ZFYVE9: variants seen among roughly 807,000 people sequenced by gnomAD.
ZFYVE9 encodes zinc finger FYVE domain-containing protein 9.
Under a neutral mutation model 126.7 loss-of-function variants are expected in ZFYVE9, and 43 were observed. The observed-to-expected ratio is 0.34, with a 90% CI of 0.27 to 0.44. ZFYVE9 has a LOEUF of 0.44. ZFYVE9 is among the 20% of genes least tolerant of loss of function. The pLI is 1.00. For synonymous variants in ZFYVE9, 521 were observed against 597.4 expected (o/e 0.87, Z 1.87); for missense variants, 1,476 against 1,697.0 (o/e 0.87, Z 2.29).
intron 1 of ZFYVE9, among the ~76,000 whole-genome samples, chr1:52,172,871 A>G (rs1280148188): frequency 4.6e-5 from 7 of 152,010 alleles, no homozygotes; most frequent in Non-Finnish European, 1.0e-4. Context: ...GACTTTGCCG[A>G]AGTTGCTTAT....
chr1:52,229,552 G>A (rs1645198909), intron 2 of ZFYVE9, among the ~76,000 whole-genome samples: 1 of 152,146 alleles, frequency 6.6e-6, no homozygotes, highest in African/African-American at 2.4e-5. Flanking sequence ...ATCGTAACTG[G>A]AATTCAGTAC....
intron 13 of ZFYVE9, among the ~76,000 whole-genome samples, chr1:52,322,588 G>A (rs907598648): frequency 1.1e-4 from 16 of 151,692 alleles, no homozygotes; most frequent in South Asian, 2.1e-4. Flanking sequence ...ATATTGGCCA[G>A]GCTGGTCTCG....
At chr1:52,267,318 G>A (rs112792191) in intron 6 of ZFYVE9, among the ~76,000 whole-genome samples, 5,024 of 152,128 alleles carry the variant, frequency 0.033, 126 homozygotes, top group Non-Finnish European at 0.05. Flanking sequence ...TTGTGTTAGG[G>A]ACATAGACTT....
At chr1:52,185,396 A>G (rs1272234305) in intron 1 of ZFYVE9, among the ~76,000 whole-genome samples, 2 of 152,194 alleles carry the variant, frequency 1.3e-5, no homozygotes, top group South Asian at 2.1e-4. Context: ...AAAATTATCA[A>G]TGGTTAGTGT....
intron 13 of ZFYVE9, among the ~76,000 whole-genome samples, chr1:52,331,865 G>A (rs1170655686): frequency 1.4e-5 from 2 of 145,036 alleles, no homozygotes; most frequent in African/African-American, 5.1e-5. Context: ...TGCAAGCTCC[G>A]CCTCCCGGGT....
intron 17 of ZFYVE9, among the ~76,000 whole-genome samples, chr1:52,342,271 T>TG (rs1227811504): frequency 6.7e-6 from 1 of 149,632 alleles, no homozygotes; most frequent in Non-Finnish European, 1.5e-5. Flanking sequence ...TTTTGCCTTT[T>TG]TTTTTTTTTT....
intron 4 of ZFYVE9, among the ~76,000 whole-genome samples, chr1:52,251,030 T>G (rs1439273360): frequency 1.1e-5 from 1 of 88,964 alleles, no homozygotes. Flanking sequence ...GTCGTTTTTG[T>G]TGTTGTTGTT....
At position 52,237,994 on chromosome 1, in the gene ZFYVE9, G is replaced by A; in HGVS notation, c.577G>A (p.Asp193Asn). The A allele has an allele frequency of 6.2e-7, 1 of 1,613,930 alleles. No homozygotes were observed. Among genetic ancestry groups the A allele is most frequent in the Non-Finnish European group, 8.5e-7 (1 of 1,179,950 alleles). ...CSLDNENRQTDQFSFSINEST... is the reference protein window; with the variant it reads ...CSLDNENRQTNQFSFSINEST... ...ACTGGATAATGAAAACAGACAAACT[G>A]ATCAATTTAGTTTTAGTATAAATGA... The change falls in exon 4 of 19, where the codon GAT (aspartate) becomes AAT (asparagine). Residue 193 changes from aspartate to asparagine, a missense_variant. By Grantham distance (23) the Asp-to-Asn change is conservative. This residue lies in a region of ZFYVE9 where 807 missense variants were observed against 794.6 expected (regional missense o/e 1.02). Transcript: ENST00000287727.
intron 1 of ZFYVE9, among the ~76,000 whole-genome samples, chr1:52,172,348 C>G (rs1313653412): frequency 2.0e-5 from 3 of 152,118 alleles, no homozygotes; most frequent in Non-Finnish European, 4.4e-5. Flanking sequence ...CTGTTCTGTT[C>G]CATTGATCTA....
At chr1:52,228,679 C>G (rs1201523707) in intron 2 of ZFYVE9, among the ~76,000 whole-genome samples, 2 of 152,174 alleles carry the variant, frequency 1.3e-5, no homozygotes, top group African/African-American at 4.8e-5. Flanking sequence ...CCTACAAAAT[C>G]AGAATGCCAT....
chr1:52,148,858 T>C (rs984381582), intron 1 of ZFYVE9, among the ~76,000 whole-genome samples: 1 of 150,006 alleles, frequency 6.7e-6, no homozygotes, highest in African/African-American at 2.4e-5. Context: ...GCCAGGCCGG[T>C]CTCAAACTGA....
At chr1:52,193,393 C>CAAAAAA (rs397863555) in intron 1 of ZFYVE9, among the ~76,000 whole-genome samples, 1 of 95,832 alleles carries the variant, frequency 1.0e-5, no homozygotes, top group Admixed American at 1.1e-4. Context: ...TTGTCAGTAT[C>CAAAAAA]AAAAAAAAAA....
At chr1:52,189,958 AC>A (rs1304399500) in intron 1 of ZFYVE9, 1 of 153,024 alleles carries the variant, frequency 6.5e-6, no homozygotes, top group African/African-American at 2.4e-5. Context: ...CTCTTCTGAA[AC>A]CTGCAGATGT....
chr1:52,259,222 T>C (rs1038795551), intron 4 of ZFYVE9, among the ~76,000 whole-genome samples: 1 of 152,018 alleles, frequency 6.6e-6, no homozygotes, highest in Non-Finnish European at 1.5e-5. Context: ...ATTTGCCTCT[T>C]TTATAAGGGT....
chr1:52,213,605 T>G (rs1008984377), intron 1 of ZFYVE9, among the ~76,000 whole-genome samples: 15 of 152,012 alleles, frequency 9.9e-5, no homozygotes, highest in Admixed American at 9.8e-4. Context: ...TGAGCCGAGA[T>G]CGTGTCACTG....
At chr1:52,157,417 T>TTTTTC (rs1644413630) in intron 1 of ZFYVE9, among the ~76,000 whole-genome samples, 1 of 140,654 alleles carries the variant, frequency 7.1e-6, no homozygotes, top group South Asian at 2.4e-4. Context: ...TTTTTTTTTT[T>TTTTTC]TGAGATGGAG....
At chr1:52,250,516 G>T (rs1166613467) in intron 4 of ZFYVE9, among the ~76,000 whole-genome samples, 2 of 152,068 alleles carry the variant, frequency 1.3e-5, no homozygotes, top group African/African-American at 4.8e-5. Flanking sequence ...TTGTGTGTTT[G>T]CGGGGAATCT....
At chr1:52,167,997 T>A (rs946463856) in intron 1 of ZFYVE9, among the ~76,000 whole-genome samples, 3 of 152,188 alleles carry the variant, frequency 2.0e-5, no homozygotes, top group Admixed American at 6.5e-5. Context: ...TAAGTTGCAT[T>A]ATAGTATTAT....
rs373096573 is a variant in ZFYVE9 at position 52,198,120 on chromosome 1, G to GTTTTTTTTTTTTTTTTT, written c.-142-18246_-142-18245insTTTTTTTTTTTTTTTTT. Among the ~76,000 whole-genome samples, 19 of 111,098 alleles carry GTTTTTTTTTTTTTTTTT rather than the reference G, an allele frequency of 1.7e-4. 1 individual carries two copies. Among genetic ancestry groups the GTTTTTTTTTTTTTTTTT allele is most frequent in the South Asian group, 2.9e-4 (1 of 3,482 alleles). The allele number at this position is 111,098 out of a possible 152,430, so 72.9% of individuals were successfully genotyped here. A position where few individuals can be genotyped will look rare whatever the true frequency, so the allele number is the denominator to read the frequency against. On this transcript the variant is annotated intron_variant, in intron 1 of 18. Coordinates refer to ENST00000287727, the MANE Select transcript of ZFYVE9 (RefSeq NM_004799.4). ...AAATAATATTGTAGTGTTTTTTTTTGTTTGTTTTTTTTTTTTTTTGAGATG... is the reference window on the plus strand; with the variant it reads ...AAATAATATTGTAGTGTTTTTTTTTGTTTTTTTTTTTTTTTTTTTTGTTTTTTTTTTTTTTTGAGATG...
Sources: allele counts gnomAD v4.1 joint callset (sites outside exome capture counted in the v4.1 genomes callset), GRCh38; gene constraint gnomAD v4.1.1; regional missense constraint gnomAD v4.1.1; transcripts MANE v1.5; gene names NCBI Gene and HGNC (gene_info 2026-07-23, HGNC 2026-07-21).